The following NTN1 variants were observed in gnomAD, a reference collection of about 807,000 sequenced individuals.
NTN1 encodes the protein netrin-1.
NTN1 carries 11 observed loss-of-function variants against 54.2 expected under a neutral mutation model. The ratio of observed to expected loss-of-function variants is 0.20; its 90% CI spans 0.13 to 0.34. The LOEUF is 0.34. Ranked by LOEUF, NTN1 falls within the 10% of genes least tolerant of loss-of-function variation. NTN1 has a pLI of 1.00. For missense variants in NTN1, 740 were observed against 893.1 expected (o/e 0.83, Z 2.18); for synonymous variants, 371 against 382.0 (o/e 0.97, Z 0.33).
Position 9,185,100 on chromosome 17 carries a change from A to G in NTN1, c.1411+2131A>G, listed in dbSNP as rs574275496. Among the ~76,000 whole-genome samples the G allele has an allele frequency of 7.9e-5, 12 of 152,346 alleles. No homozygotes were observed. The South Asian group carries it at 8.3e-4, about 11-fold the overall frequency. On this transcript the variant is annotated intron_variant, in intron 5 of 6. Transcript: ENST00000173229. ...AGTGAGCAGGTTGGAAGCCTGTAGC[A>G]ATGTTTGTAGCTTTGACCAGACCTG...
rs76713081 is a variant in NTN1, at chr17:9,180,845, G to C, written c.1357+889G>C. Among the ~76,000 whole-genome samples, 1,238 of 152,312 alleles carry C rather than the reference G, an allele frequency of 8.1e-3. 12 individuals are homozygous for C. Among genetic ancestry groups the C allele is most frequent in the African/African-American group, 0.028 (1,169 of 41,572 alleles). On this transcript the variant is annotated intron_variant, in intron 4 of 6. Transcript: ENST00000173229. The stretch of plus-strand genomic sequence containing the variant: ...GGGGGCTCAGCACCCATCCAGGGCA[G>C]AGCAGGTTGAAATAGCTTCACAACA...
At chr17:9,015,787 C>T in the NTN1 span, among the ~76,000 whole-genome samples, 8 of 151,952 alleles carry the variant, frequency 5.3e-5, no homozygotes, top group African/African-American at 1.2e-4. Flanking sequence ...AACAAAACTC[C>T]GGGCCGAGCG....
chr17:9,188,081 A>G (rs1904329368), intron 5 of NTN1, among the ~76,000 whole-genome samples: 1 of 152,222 alleles, frequency 6.6e-6, no homozygotes, highest in Non-Finnish European at 1.5e-5. Context: ...GATAGTGGTG[A>G]TGAGTTGTAC....
chr17:9,061,667 A>T lies in NTN1; in HGVS notation c.1018+38276A>T, dbSNP rs552717461. On this transcript the variant is annotated intron_variant, in intron 2 of 6. Coordinates refer to ENST00000173229, the MANE Select transcript of NTN1 (RefSeq NM_004822.3). ...TGGTAAGCGATGGGCATCCAGGAGC[A>T]GTTTTTTTGTTGTTGTTGTTGTTTT... Among the ~76,000 whole-genome samples the T allele has an allele frequency of 4.6e-5, 7 of 151,860 alleles. No individual in the cohort carries two copies. In the East Asian group the frequency reaches 9.7e-4, roughly 21 times the overall value.
chr17:9,023,006 C>A lies in NTN1; in HGVS notation c.633C>A (p.Arg211=), dbSNP rs2091858070. ...GCACCGACTCGCACACCGACATGCG[C>A]CCGCTCTCGGGCGGCCTCATCGCCT... is the stretch of plus-strand genomic sequence containing the variant. ...AVCTDSHTDM[R]PLSGGLIAFS... The change falls in exon 2 of 7, where the codon CGC becomes CGA. Residue 211 remains arginine, a synonymous_variant. Coordinates refer to ENST00000173229, the MANE Select transcript of NTN1 (RefSeq NM_004822.3). The A allele has an allele frequency of 6.2e-7, 1 of 1,607,420 alleles. No homozygotes were observed. Among genetic ancestry groups the A allele is most frequent in the Non-Finnish European group, 8.5e-7 (1 of 1,178,020 alleles).
At chr17:9,026,993 T>G (rs1371080239) in intron 2 of NTN1, among the ~76,000 whole-genome samples, 2 of 152,084 alleles carry the variant, frequency 1.3e-5, no homozygotes, top group African/African-American at 4.8e-5. Flanking sequence ...ACATAATGCT[T>G]GTGATTGTTT....
intron 2 of NTN1, among the ~76,000 whole-genome samples, chr17:9,083,255 C>T (rs1176622477): frequency 6.6e-6 from 1 of 152,222 alleles, no homozygotes; most frequent in African/African-American, 2.4e-5. Context: ...TGCGCCACCA[C>T]ACCTGGCTAA....
rs1905360639 is a variant in NTN1, at chr17:9,221,678, C to A, written c.1486+436C>A. ...TCCCCGGTGCATTTCCAGTGTTCCG[C>A]CAGGCTGTAGCGGGGCCGGGAGTCT... On this transcript the variant is annotated intron_variant, in intron 6 of 6. Coordinates refer to ENST00000173229, the MANE Select transcript of NTN1 (RefSeq NM_004822.3). The surrounding 1 kb of genome is among the most constrained non-coding windows in gnomAD (Gnocchi z 4.5). 6.6e-6 allele frequency among the ~76,000 whole-genome samples: 1 copy of A among 152,218 alleles called. No homozygotes were observed. Among genetic ancestry groups the A allele is most frequent in the South Asian group, 2.1e-4 (1 of 4,836 alleles).
intron 2 of NTN1, among the ~76,000 whole-genome samples, chr17:9,034,556 G>A (rs2091897462): frequency 1.3e-5 from 2 of 151,466 alleles, no homozygotes; most frequent in African/African-American, 4.9e-5. Context: ...CCGAGTAGCT[G>A]AGATTACAGG....
chr17:9,034,931 T>C (rs2091898711), intron 2 of NTN1, among the ~76,000 whole-genome samples: 1 of 151,962 alleles, frequency 6.6e-6, no homozygotes. Context: ...GTTTTGATTA[T>C]TTTTGTTTAT....
At chr17:9,207,470 A>G (rs1223351366) in intron 5 of NTN1, among the ~76,000 whole-genome samples, 1 of 152,206 alleles carries the variant, frequency 6.6e-6, no homozygotes, top group Non-Finnish European at 1.5e-5. Flanking sequence ...TGGAACTTTA[A>G]AAGATTGTTA....
chr17:9,058,972 G>A (rs184437770), intron 2 of NTN1, among the ~76,000 whole-genome samples: 1 of 152,270 alleles, frequency 6.6e-6, no homozygotes, highest in East Asian at 1.9e-4. Context: ...TAATGTCTGT[G>A]CATTTCAGAG....
intron 3 of NTN1, among the ~76,000 whole-genome samples, chr17:9,164,535 TCAAC>T (rs1262849305): frequency 1.3e-5 from 2 of 152,106 alleles, no homozygotes; most frequent in African/African-American, 2.4e-5. Flanking sequence ...CAGCAGAGTT[TCAAC>T]CAAGCTGGTG....
intron 2 of NTN1, among the ~76,000 whole-genome samples, chr17:9,114,167 AT>A (rs1232605231): frequency 0.051 from 2,743 of 53,356 alleles, 58 homozygotes; most frequent in Middle Eastern, 0.14. Context: ...AAAAAAAAAA[AT>A]ATATATATAT....
At chr17:9,230,833 G>A (rs1297852243) in intron 6 of NTN1, among the ~76,000 whole-genome samples, 2 of 152,140 alleles carry the variant, frequency 1.3e-5, no homozygotes, top group African/African-American at 2.4e-5. Flanking sequence ...TGTCTCTCCC[G>A]ATGCTGTTTT....
chr17:9,109,077 A>C (rs1053588284), intron 2 of NTN1, among the ~76,000 whole-genome samples: 1 of 151,968 alleles, frequency 6.6e-6, no homozygotes, highest in African/African-American at 2.4e-5. Flanking sequence ...GGGTTTCACC[A>C]TGTTGATCAG....
At chr17:9,071,798 C>T (rs1237059441) in intron 2 of NTN1, among the ~76,000 whole-genome samples, 3 of 152,238 alleles carry the variant, frequency 2.0e-5, no homozygotes, top group African/African-American at 7.2e-5. Context: ...AAACATATGT[C>T]TCCAAAGTCA....
At chr17:9,209,317 C>T (rs372916968) in intron 5 of NTN1, among the ~76,000 whole-genome samples, 36 of 152,292 alleles carry the variant, frequency 2.4e-4, no homozygotes, top group African/African-American at 5.3e-4. Context: ...TTCATGGCCA[C>T]GGTGAGCTGC....
chr17:9,115,879 G>A (rs1054571775), intron 2 of NTN1, among the ~76,000 whole-genome samples: 2 of 152,268 alleles, frequency 1.3e-5, no homozygotes, highest in African/African-American at 4.8e-5. Context: ...GGCCGTGGAG[G>A]AAGGGATTTC....
Sources: gnomAD v4.1 joint callset for allele counts (sites outside exome capture counted in the v4.1 genomes callset) on GRCh38, gnomAD v4.1.1 for gene constraint, Gnocchi (gnomAD v3.1) non-coding constraint, MANE v1.5 for transcripts, NCBI Gene and HGNC (gene_info 2026-07-23, HGNC 2026-07-21) for gene names.